The following PCDHA1 variants were observed in gnomAD, a reference collection of about 807,000 sequenced individuals.
The protein encoded by PCDHA1 is protocadherin alpha-1.
Under a neutral mutation model 61.3 loss-of-function variants are expected in PCDHA1, and 42 were observed. That is an observed-to-expected ratio of 0.69 (90% confidence interval 0.54 to 0.89). The LOEUF is 0.89. Among genes scored for constraint, PCDHA1 ranks in the 40% least tolerant of loss-of-function variants. The pLI is 0.00. For missense variants in PCDHA1, 1,256 were observed against 1,235.3 expected (o/e 1.02, Z -0.25); for synonymous variants, 610 against 553.8 (o/e 1.10, Z -1.43).
chr5:140,808,672 A>G (rs1368669225), intron 1 of PCDHA1: 14 of 1,612,714 alleles, frequency 8.7e-6, no homozygotes, highest in African/African-American at 2.7e-5. Context: ...ACTCGCTGGT[A>G]GAGCGGCGGG....
rs141079325 is a variant in PCDHA1 at position 140,900,797 on chromosome 5, T to C, written c.2395-78152T>C. Among the ~76,000 whole-genome samples the C allele has an allele frequency of 8.0e-3, 1,218 of 152,324 alleles. 6 individuals carry two copies. Among genetic ancestry groups the C allele is most frequent in the African/African-American group, 0.019 (783 of 41,568 alleles). On this transcript the variant is annotated intron_variant, in intron 1 of 3. Coordinates refer to ENST00000504120, the MANE Select transcript of PCDHA1 (RefSeq NM_018900.4). ...TGAGGAAACTCCAAACTGTTCTCCA[T>C]AGTGCTTGTACTAATTTACATTCCC...
At chr5:141,000,768 A>G (rs1434125702) in intron 3 of PCDHA1, among the ~76,000 whole-genome samples, 43 of 151,864 alleles carry the variant, frequency 2.8e-4, no homozygotes, top group African/African-American at 4.8e-5. Context: ...TTAGCCAGGC[A>G]TAGTGGCGCA....
At chr5:140,967,138 G>A in intron 1 of PCDHA1, 1 of 1,611,568 alleles carries the variant, frequency 6.2e-7, no homozygotes, top group Middle Eastern at 1.7e-4. Flanking sequence ...TGGAAGTGCT[G>A]GCGCACAACC....
chr5:140,984,712 G>A (rs2097116348), intron 3 of PCDHA1, among the ~76,000 whole-genome samples: 1 of 152,096 alleles, frequency 6.6e-6, no homozygotes, highest in Non-Finnish European at 1.5e-5. Context: ...AGGGAATATG[G>A]CATAAAGATT....
At chr5:140,832,862 T>C (rs1232593064) in intron 1 of PCDHA1, among the ~76,000 whole-genome samples, 2 of 152,192 alleles carry the variant, frequency 1.3e-5, no homozygotes, top group African/African-American at 2.4e-5. Flanking sequence ...AGAGTCATGA[T>C]GTTTTACTGG....
intron 1 of PCDHA1, chr5:140,822,108 G>A: frequency 6.2e-7 from 1 of 1,614,266 alleles, no homozygotes; most frequent in Non-Finnish European, 8.5e-7. Context: ...TCGTGGACAG[G>A]CCGCTGCAGG....
intron 1 of PCDHA1, among the ~76,000 whole-genome samples, chr5:140,977,051 G>T (rs2096743579): frequency 6.6e-6 from 1 of 152,178 alleles, no homozygotes; most frequent in South Asian, 2.1e-4. Flanking sequence ...GTTGCTGATG[G>T]ACTAGTATAG....
At chr5:140,970,884 A>G (rs1013057138) in intron 1 of PCDHA1, among the ~76,000 whole-genome samples, 1 of 152,218 alleles carries the variant, frequency 6.6e-6, no homozygotes, top group Admixed American at 6.5e-5. Context: ...GATTTTTCTC[A>G]TGGACATTTC....
intron 1 of PCDHA1, among the ~76,000 whole-genome samples, chr5:140,901,194 T>A (rs562699930): frequency 2.7e-4 from 41 of 152,236 alleles, no homozygotes; most frequent in Non-Finnish European, 5.1e-4. Flanking sequence ...TGCTTTTCTG[T>A]GCAGAAGGTT....
At chr5:140,795,317 A>C in intron 1 of PCDHA1, 1 of 1,614,208 alleles carries the variant, frequency 6.2e-7, no homozygotes, top group Non-Finnish European at 8.5e-7. Context: ...CAGGTTTTCC[A>C]TGTGGAAGTG....
intron 1 of PCDHA1, chr5:140,882,561 G>T (rs2059195927): frequency 1.2e-6 from 2 of 1,614,222 alleles, no homozygotes; most frequent in East Asian, 4.5e-5. Context: ...CTGTGTGGGC[G>T]GAGCGCGGAG....
At chr5:140,822,922 C>G in intron 1 of PCDHA1, 3 of 1,614,270 alleles carry the variant, frequency 1.9e-6, no homozygotes, top group Non-Finnish European at 2.5e-6. Flanking sequence ...TGCCAACGGG[C>G]AGGTGACCTG....
intron 1 of PCDHA1, among the ~76,000 whole-genome samples, chr5:140,791,972 C>G (rs1360266297): frequency 6.6e-6 from 1 of 152,092 alleles, no homozygotes; most frequent in Non-Finnish European, 1.5e-5. Context: ...TATTAATTTC[C>G]TTGGGCTGAT....
chr5:140,993,342 C>T (rs1554253606), intron 3 of PCDHA1, among the ~76,000 whole-genome samples: 1 of 151,994 alleles, frequency 6.6e-6, no homozygotes, highest in African/African-American at 2.4e-5. Flanking sequence ...TTGAAGGGCA[C>T]TACGAAGATC....
intron 1 of PCDHA1, chr5:140,803,901 A>G: frequency 1.9e-6 from 1 of 524,668 alleles, no homozygotes; most frequent in South Asian, 2.4e-5. Flanking sequence ...CATTATTTAG[A>G]GAATCTGACT....
intron 1 of PCDHA1, among the ~76,000 whole-genome samples, chr5:140,944,325 T>C (rs1179163685): frequency 1.3e-5 from 2 of 152,196 alleles, no homozygotes; most frequent in East Asian, 3.9e-4. Context: ...GTAGCTGGGA[T>C]TACAAGCACG....
chr5:140,787,290 T>A lies in PCDHA1; in HGVS notation c.1000T>A (p.Cys334Ser). The A allele has an allele frequency of 6.2e-7, 1 of 1,614,178 alleles. No homozygotes were observed. Among genetic ancestry groups the A allele is most frequent in the Non-Finnish European group, 8.5e-7 (1 of 1,180,022 alleles). ...AGGAAGTCCTCCGATGTCAAATCAC[T>A]GTAAGGTTTTGGTGAAAGTGCTGGA... ...DKGSPPMSNH[C>S]KVLVKVLDVN... Residue 334 changes from cysteine to serine, a missense_variant, in exon 1 of 4, where the codon TGT becomes AGT. Transcript: ENST00000504120.
At chr5:140,834,511 A>T in intron 1 of PCDHA1, 1 of 1,614,070 alleles carries the variant, frequency 6.2e-7, no homozygotes, top group East Asian at 2.2e-5. Flanking sequence ...AAACATGGCA[A>T]CTTCGTGGGC....
At chr5:140,883,239 A>ACAAAGGAAATATTC in intron 1 of PCDHA1, 1 of 1,614,096 alleles carries the variant, frequency 6.2e-7, no homozygotes, top group Non-Finnish European at 8.5e-7. Context: ...GAGGCAGTTG[A>ACAAAGGAAATATTC]CAAAGGAAAT....
Sources: gnomAD v4.1 joint callset for allele counts (sites outside exome capture counted in the v4.1 genomes callset) on GRCh38, gnomAD v4.1.1 for gene constraint, MANE v1.5 for transcripts, NCBI Gene and HGNC (gene_info 2026-07-23, HGNC 2026-07-21) for gene names.